SSH2: variants seen among roughly 807,000 people sequenced by gnomAD.
SSH2 encodes the protein protein phosphatase Slingshot homolog 2.
In SSH2, 37 loss-of-function variants were observed where a neutral mutation model predicts 135.2. That is an observed-to-expected ratio of 0.27 (90% CI 0.21 to 0.36). The LOEUF (loss-of-function observed/expected upper bound fraction) is 0.36, where lower values mean the gene tolerates loss of function less well. SSH2 is among the 10% of genes least tolerant of loss of function. SSH2 has a pLI of 1.00. For synonymous variants in SSH2, 628 were observed against 646.2 expected, an observed-to-expected ratio of 0.97 and a Z score of 0.43; for missense variants, 1,408 against 1,765.3, an observed-to-expected ratio of 0.80 and a Z score of 3.63.
At chr17:29,809,305 C>G (rs747234456) in intron 2 of SSH2, among the ~76,000 whole-genome samples, 1 of 152,118 alleles carries the variant, frequency 6.6e-6, no homozygotes, top group Non-Finnish European at 1.5e-5. Flanking sequence ...GATAGACTGC[C>G]ATTAGCTGGA....
intron 3 of SSH2, among the ~76,000 whole-genome samples, chr17:29,742,020 C>T (rs920223927): frequency 8.0e-5 from 12 of 149,468 alleles, no homozygotes; most frequent in African/African-American, 2.0e-4. Context: ...CTGCAACTTC[C>T]GCCTCCCGGG....
At chr17:29,709,391 C>T (rs1230924434) in intron 3 of SSH2, among the ~76,000 whole-genome samples, 2 of 152,060 alleles carry the variant, frequency 1.3e-5, no homozygotes, top group Non-Finnish European at 2.9e-5. Flanking sequence ...AAGTAGAGTA[C>T]AGGGGCTGAG....
chr17:29,846,974 T>A (rs1423037582), intron 2 of SSH2, among the ~76,000 whole-genome samples: 1 of 152,178 alleles, frequency 6.6e-6, no homozygotes, highest in Admixed American at 6.5e-5. Flanking sequence ...TAAAAAACAA[T>A]ACAGTTTTGA....
intron 2 of SSH2, among the ~76,000 whole-genome samples, chr17:29,848,359 G>T (rs1056906339): frequency 1.3e-5 from 2 of 152,180 alleles, no homozygotes; most frequent in Non-Finnish European, 2.9e-5. Context: ...AAGATGATCA[G>T]GTCGGGTTTC....
chr17:29,789,775 CAAG>C (rs1331759839), intron 3 of SSH2, among the ~76,000 whole-genome samples: 4 of 152,166 alleles, frequency 2.6e-5, no homozygotes, highest in Non-Finnish European at 5.9e-5. Flanking sequence ...AGCATCAAAC[CAAG>C]AAGGATTATT....
intron 1 of SSH2, among the ~76,000 whole-genome samples, chr17:29,862,240 G>C (rs756670827): frequency 2.6e-5 from 4 of 152,148 alleles, no homozygotes; most frequent in Admixed American, 6.5e-5. Context: ...ACAGTTCCTT[G>C]TGCACACATT....
At chr17:29,870,390 G>T (rs1764694128) in intron 1 of SSH2, among the ~76,000 whole-genome samples, 1 of 152,078 alleles carries the variant, frequency 6.6e-6, no homozygotes, top group Non-Finnish European at 1.5e-5. Context: ...AAGAGACAAA[G>T]AAAACTATTA....
At chr17:29,667,048 C>A in intron 10 of SSH2, 53 bp from the exon 11 acceptor site, 2 of 1,611,536 alleles carry the variant, frequency 1.2e-6, no homozygotes, top group Non-Finnish European at 1.7e-6. Flanking sequence ...TCTGTACTTT[C>A]AACCATGCAC....
intron 9 of SSH2, among the ~76,000 whole-genome samples, chr17:29,670,394 C>G (rs2037444675): frequency 6.6e-6 from 1 of 152,152 alleles, no homozygotes; most frequent in Admixed American, 6.6e-5. Flanking sequence ...ACCAAGGCTA[C>G]TAAAAAGAAG....
intron 1 of SSH2, among the ~76,000 whole-genome samples, chr17:29,860,827 C>G (rs1370436032): frequency 2.0e-5 from 3 of 151,750 alleles, no homozygotes; most frequent in African/African-American, 7.3e-5. Context: ...TTCACTGCAA[C>G]ATACACCTCC....
intron 5 of SSH2, among the ~76,000 whole-genome samples, chr17:29,685,005 CCA>C (rs939159538): frequency 2.4e-4 from 36 of 152,104 alleles, no homozygotes; most frequent in African/African-American, 8.7e-4. Context: ...ATACTAATTA[CCA>C]CAGTGTGTAA....
chr17:29,672,886 T>C (rs145170146), intron 8 of SSH2, among the ~76,000 whole-genome samples: 178 of 152,188 alleles, frequency 1.2e-3, no homozygotes, highest in African/African-American at 4.2e-3. Context: ...TTTGTATTTT[T>C]AGTCGAGACG....
chr17:29,929,660 A>G (rs558742288), intron 1 of SSH2, among the ~76,000 whole-genome samples: 2 of 152,234 alleles, frequency 1.3e-5, no homozygotes, highest in East Asian at 3.9e-4. Context: ...ACTCATTACC[A>G]AAAGGAAGTG....
chr17:29,821,834 C>A (rs1037110125), intron 2 of SSH2, among the ~76,000 whole-genome samples: 1 of 152,156 alleles, frequency 6.6e-6, no homozygotes, highest in Non-Finnish European at 1.5e-5. Context: ...TTAGTAGAGA[C>A]GGGGTTTCAC....
chr17:29,700,792 TTC>T (rs1290403886), intron 4 of SSH2, among the ~76,000 whole-genome samples: 2 of 152,108 alleles, frequency 1.3e-5, no homozygotes, highest in Non-Finnish European at 2.9e-5. Flanking sequence ...ACAGCTAAAC[TTC>T]TTTTTTTCTT....
chr17:29,756,059 A>C (rs112367099), intron 3 of SSH2, among the ~76,000 whole-genome samples: 68,287 of 149,788 alleles, frequency 0.46, 16,001 homozygotes, highest in Non-Finnish European at 0.51. Context: ...TGAGGTCAGG[A>C]GTTGGAGACC....
chr17:29,743,893 TTTTTTC>T (rs2040655713), intron 3 of SSH2, among the ~76,000 whole-genome samples: 1 of 145,836 alleles, frequency 6.9e-6, no homozygotes, highest in East Asian at 1.9e-4. Flanking sequence ...GCATAATTTC[TTTTTTC>T]TTTTTTCCTT....
At chr17:29,708,223 A>G (rs963676836) in intron 3 of SSH2, among the ~76,000 whole-genome samples, 4 of 152,226 alleles carry the variant, frequency 2.6e-5, no homozygotes, top group African/African-American at 9.6e-5. Flanking sequence ...AAGATTTATT[A>G]TGTAAATATG....
rs770836134 is a variant in SSH2 at position 29,841,892 on chromosome 17, ATTTTTTT to A, written c.144+6950_144+6956del. On this transcript the variant is annotated intron_variant, in intron 2 of 15. Coordinates refer to ENST00000540801, the MANE Select transcript of SSH2 (RefSeq NM_001282129.2). ...TAGGAGTACACCACCCCCTTGGCTA[ATTTTTTT>A]TTTTTTTTTTTTTTTGTAGAGACAG... Among the ~76,000 whole-genome samples the A allele has an allele frequency of 6.0e-3, 596 of 99,644 alleles. 7 individuals are homozygous for A. Among genetic ancestry groups the A allele is most frequent in the African/African-American group, 0.022 (560 of 25,658 alleles). 65.4% of individuals were successfully genotyped at this position (99,644 alleles called of 152,430 possible).
Sources: gnomAD v4.1 joint callset for allele counts (sites outside exome capture counted in the v4.1 genomes callset) on GRCh38, gnomAD v4.1.1 for gene constraint, MANE v1.5 for transcripts, NCBI Gene and HGNC (gene_info 2026-07-23, HGNC 2026-07-21) for gene names.